The following JAZF1 variants were observed in gnomAD, a reference collection of about 807,000 sequenced individuals.
JAZF1 encodes JAZF zinc finger 1.
Under a neutral mutation model 26.4 loss-of-function variants are expected in JAZF1, and 8 were observed. The ratio of observed to expected loss-of-function variants is 0.30; its 90% CI spans 0.18 to 0.55. The LOEUF (loss-of-function observed/expected upper bound fraction) is 0.55. Ranked by LOEUF, JAZF1 falls within the 20% of genes least tolerant of loss-of-function variation. The pLI is 0.94. For missense variants in JAZF1, 199 were observed against 322.0 expected (o/e 0.62, Z 2.92); for synonymous variants, 126 against 122.3 (o/e 1.03, Z -0.20).
chr7:28,056,457 C>T, intron 1 of JAZF1, among the ~76,000 whole-genome samples: 1 of 147,212 alleles, frequency 6.8e-6, no homozygotes, highest in African/African-American at 2.5e-5. Flanking sequence ...CACACACACA[C>T]ACACACACAC....
intron 1 of JAZF1, among the ~76,000 whole-genome samples, chr7:28,034,880 G>A (rs1009282682): frequency 2.0e-5 from 3 of 152,088 alleles, no homozygotes; most frequent in Non-Finnish European, 4.4e-5. Context: ...ACATGCCATG[G>A]CCTCTGCAAA....
intron 2 of JAZF1, among the ~76,000 whole-genome samples, chr7:27,945,230 T>G (rs1351020959): frequency 6.6e-6 from 1 of 152,126 alleles, no homozygotes; most frequent in Non-Finnish European, 1.5e-5. Flanking sequence ...AGCCGTGATT[T>G]CAAGCAGAAT....
Position 28,064,596 on chromosome 7 carries a change from A to G in JAZF1, c.116-72615T>C, listed in dbSNP as rs187035044. 5.3e-3 allele frequency among the ~76,000 whole-genome samples: 808 copies of G among 152,372 alleles called. 4 individuals carry two copies. Among genetic ancestry groups the G allele is most frequent in the African/African-American group, 0.019 (783 of 41,588 alleles). ...GGAAGCAAACTTTCAACAACACTCA[A>G]GTAGTCAAACAGAACTTCCTCATAC... is the stretch of plus-strand genomic sequence containing the variant. On this transcript the variant is annotated intron_variant, in intron 1 of 4. Transcript: ENST00000283928.
intron 1 of JAZF1, among the ~76,000 whole-genome samples, chr7:28,124,371 C>T (rs1782664263): frequency 6.6e-6 from 1 of 152,220 alleles, no homozygotes. Context: ...CACTTAACGC[C>T]AACTGGCCTG....
intron 3 of JAZF1, among the ~76,000 whole-genome samples, chr7:27,885,780 G>C (rs1783850433): frequency 1.3e-5 from 2 of 152,002 alleles, no homozygotes; most frequent in South Asian, 4.1e-4. Flanking sequence ...TCCATGTCCA[G>C]AGCAGTCATT....
Position 27,857,121 on chromosome 7 carries a change from G to A in JAZF1, c.386-16254C>T, listed in dbSNP as rs376936409. ...GGAGCAGGGGGCGGCGCTCGTCGGG[G>A]AGGCTTGGGCCGCGCAGGAGCCCAT... On this transcript the variant is annotated intron_variant, in intron 3 of 4. Transcript: ENST00000283928. 3.2e-4 allele frequency among the ~76,000 whole-genome samples: 49 copies of A among 152,342 alleles called. 3 individuals are homozygous for A. In the Middle Eastern group the frequency reaches 0.01, roughly 32 times the overall value.
intron 3 of JAZF1, among the ~76,000 whole-genome samples, chr7:27,864,232 A>C (rs932893594): frequency 1.3e-4 from 20 of 152,312 alleles, no homozygotes; most frequent in East Asian, 9.6e-4. Context: ...ATTTGAGGTC[A>C]AGATCAAAGC....
chr7:27,891,309 G>A (rs1783973172), intron 3 of JAZF1, among the ~76,000 whole-genome samples: 1 of 152,164 alleles, frequency 6.6e-6, no homozygotes, highest in South Asian at 2.1e-4. Context: ...TGGTTCTATA[G>A]CTGCTTGCAC....
chr7:27,929,322 G>A (rs769342626), intron 2 of JAZF1, among the ~76,000 whole-genome samples: 1 of 152,210 alleles, frequency 6.6e-6, no homozygotes, highest in African/African-American at 2.4e-5. Flanking sequence ...AGCAGGGGGA[G>A]GGAGCAGAAG....
At chr7:27,894,176 T>C (rs1220049423) in intron 3 of JAZF1, among the ~76,000 whole-genome samples, 2 of 152,168 alleles carry the variant, frequency 1.3e-5, no homozygotes, top group Non-Finnish European at 1.5e-5. Flanking sequence ...GCAGGGGGCC[T>C]CTCTCTGCTC....
chr7:27,844,146 C>T (rs1782975142), intron 3 of JAZF1: 1 of 152,242 alleles, frequency 6.6e-6, no homozygotes, highest in Non-Finnish European at 1.5e-5. Flanking sequence ...GATGCTGGCA[C>T]CCATTCGCGT....
intron 1 of JAZF1, among the ~76,000 whole-genome samples, chr7:28,162,517 C>T (rs1466694364): frequency 6.6e-6 from 1 of 152,164 alleles, no homozygotes; most frequent in Non-Finnish European, 1.5e-5. Flanking sequence ...AGTGACCGCT[C>T]CTTGGGATCA....
intron 3 of JAZF1, among the ~76,000 whole-genome samples, chr7:27,893,363 T>TAA (rs1444402848): frequency 2.6e-5 from 4 of 152,330 alleles, no homozygotes; most frequent in Non-Finnish European, 5.9e-5. Flanking sequence ...GATGATGGTG[T>TAA]GGTTACAAGT....
At chr7:28,101,574 A>AT (rs1357423134) in intron 1 of JAZF1, among the ~76,000 whole-genome samples, 1 of 64,258 alleles carries the variant, frequency 1.6e-5, no homozygotes, top group Non-Finnish European at 3.2e-5. Flanking sequence ...TCATTTCTAT[A>AT]TTAAAAAAAA....
Position 28,091,579 on chromosome 7 carries a change from A to T in JAZF1, c.115+88884T>A, listed in dbSNP as rs1784296699. 2.7e-5 allele frequency among the ~76,000 whole-genome samples: 4 copies of T among 149,844 alleles called. No homozygotes were observed. The Admixed American group carries it at 2.7e-4, about 10-fold the overall frequency. On this transcript the variant is annotated intron_variant, in intron 1 of 4. Coordinates refer to ENST00000283928, the MANE Select transcript of JAZF1 (RefSeq NM_175061.4). ...TGAATAAACAAAGTCCTGAATGAAG[A>T]TTTCAATGTAAGTTAAATATACATA...
In JAZF1 at chr7:28,035,313, CAAAAAAAAAAAAA is replaced by C. The variant is rs201602870; in HGVS notation, c.116-43345_116-43333del. ...TGGGCGACAAAGTGAGACTCCATCT[CAAAAAAAAAAAAA>C]AAAAAAAAAAAAAAAAAGAAAGAAA... is the stretch of plus-strand genomic sequence containing the variant. On this transcript the variant is annotated intron_variant, in intron 1 of 4. Transcript: ENST00000283928. Among the ~76,000 whole-genome samples the C allele has an allele frequency of 1.9e-3, 52 of 27,454 alleles. 1 individual carries two copies. The highest frequency in any genetic ancestry group is 4.5e-3 in the African/African-American group (28 of 6,282). 18.0% of individuals were successfully genotyped at this position (27,454 alleles called of 152,430 possible). A position where few individuals can be genotyped will look rare whatever the true frequency, so the allele number is the denominator to read the frequency against.
intron 1 of JAZF1, among the ~76,000 whole-genome samples, chr7:28,165,568 C>T (rs1478295169): frequency 1.3e-5 from 2 of 152,160 alleles, no homozygotes; most frequent in African/African-American, 2.4e-5. Flanking sequence ...GGTCCCAGCT[C>T]CCTCTCCTAT....
chr7:27,834,814 C>CCA (rs1321671313), intron 4 of JAZF1, among the ~76,000 whole-genome samples: 2 of 152,226 alleles, frequency 1.3e-5, no homozygotes, highest in Admixed American at 6.5e-5. Flanking sequence ...CAGGCGAGAA[C>CCA]CACCTTGTTG....
chr7:27,858,042 A>G (rs1348926605), intron 3 of JAZF1, among the ~76,000 whole-genome samples: 1 of 152,236 alleles, frequency 6.6e-6, no homozygotes, highest in Non-Finnish European at 1.5e-5. Context: ...AAGCAACTTC[A>G]GCAAAGTCTC....
Sources: gnomAD v4.1 joint callset for allele counts (sites outside exome capture counted in the v4.1 genomes callset) on GRCh38, gnomAD v4.1.1 for gene constraint, MANE v1.5 for transcripts, NCBI Gene and HGNC (gene_info 2026-07-23, HGNC 2026-07-21) for gene names.